DNA2: variants seen among roughly 807,000 people sequenced by gnomAD.
DNA2 encodes DNA replication ATP-dependent helicase/nuclease DNA2.
In DNA2, 101 loss-of-function variants were observed where a neutral mutation model predicts 119.1. The observed-to-expected ratio is 0.85, with a 90% CI of 0.72 to 1.00. DNA2 has a LOEUF of 1.00. DNA2 is among the 50% of genes least tolerant of loss of function. DNA2 has a pLI of 0.00. For synonymous variants in DNA2, 366 were observed against 424.4 expected (o/e 0.86, Z 1.69); for missense variants, 1,121 against 1,255.5 (o/e 0.89, Z 1.62).
In DNA2 at chr10:68,422,261, T is replaced by C; in HGVS notation, c.2661A>G (p.Glu887=). Residue 887 remains glutamate (E), a synonymous_variant, in exon 17 of 21, where the codon GAA becomes GAG. Coordinates refer to ENST00000358410, the MANE Select transcript of DNA2 (RefSeq NM_001080449.3). ...SDNPWLMGVF[E]PNNPVCFLNT... is the part of the protein sequence containing the mutation. Reference sequence around the variant, plus strand: ...TAAGGAAACAAACAGGATTGTTGGGTTCAAATACTCCCATCAACCAAGGAT... The same window carrying C: ...TAAGGAAACAAACAGGATTGTTGGGCTCAAATACTCCCATCAACCAAGGAT... The C allele has an allele frequency of 6.2e-7, 1 of 1,612,266 alleles. No homozygotes were observed. Among genetic ancestry groups the C allele is most frequent in the Non-Finnish European group, 8.5e-7 (1 of 1,179,258 alleles).
intron 2 of DNA2, among the ~76,000 whole-genome samples, chr10:68,469,558 G>A (rs1041771309): frequency 3.3e-5 from 5 of 152,078 alleles, no homozygotes; most frequent in Non-Finnish European, 5.9e-5. Flanking sequence ...CACCTCCCAG[G>A]TTCAAGCAAT....
chr10:68,416,794 TTA>T lies in DNA2; in HGVS notation c.3027_3028del (p.His1009GlnfsTer22). 1 of 1,613,930 alleles carries T rather than the reference TTA, an allele frequency of 6.2e-7. No homozygotes were observed. The highest frequency in any genetic ancestry group is 1.1e-5 in the South Asian group (1 of 91,070). ...GGGCACACACCCCAGAAGAATCAGTTTATGTTTGGCTCTGGTTATAGCAACAT... is the reference window on the plus strand; with the variant it reads ...GGGCACACACCCCAGAAGAATCAGTTTGTTTGGCTCTGGTTATAGCAACAT... On this transcript the variant is annotated frameshift_variant, in exon 20 of 21. Coordinates refer to ENST00000358410, the MANE Select transcript of DNA2 (RefSeq NM_001080449.3). LOFTEE classifies it high-confidence loss of function.
chr10:68,432,874 C>T (rs1447725681), intron 10 of DNA2, among the ~76,000 whole-genome samples: 1 of 152,152 alleles, frequency 6.6e-6, no homozygotes, highest in African/African-American at 2.4e-5. Flanking sequence ...CCACCTTCTC[C>T]CTGTCTTCTA....
At chr10:68,445,608 C>T (rs1054380571) in intron 7 of DNA2, among the ~76,000 whole-genome samples, 108 of 152,116 alleles carry the variant, frequency 7.1e-4, no homozygotes, top group African/African-American at 2.5e-3. Flanking sequence ...CATTTTGGTA[C>T]ATTTCCTTTA....
At chr10:68,420,828 T>C (rs751763028) in intron 17 of DNA2, among the ~76,000 whole-genome samples, 51 of 152,170 alleles carry the variant, frequency 3.4e-4, no homozygotes, top group Non-Finnish European at 2.4e-4. Context: ...TTCTTTTTAA[T>C]GACTGGTTTG....
intron 3 of DNA2, among the ~76,000 whole-genome samples, chr10:68,466,580 CTTT>C (rs71977657): frequency 8.7e-5 from 12 of 137,416 alleles, no homozygotes; most frequent in East Asian, 2.1e-4. Flanking sequence ...TAGCCTAGAC[CTTT>C]TTTTTTTTTT....
intron 14 of DNA2, among the ~76,000 whole-genome samples, chr10:68,426,626 G>A (rs1462574947): frequency 6.6e-6 from 1 of 150,394 alleles, no homozygotes; most frequent in Non-Finnish European, 1.5e-5. Flanking sequence ...ACAAGGTCAG[G>A]AGATGGAGAC....
intron 9 of DNA2, among the ~76,000 whole-genome samples, chr10:68,438,820 G>A (rs2051926499): frequency 6.6e-6 from 1 of 151,670 alleles, no homozygotes; most frequent in Non-Finnish European, 1.5e-5. Flanking sequence ...GATGACCTGA[G>A]GTCAGGAGTT....
Position 68,432,158 on chromosome 10 carries a change from T to C in DNA2, c.1873+48A>G, listed in dbSNP as rs1308320736. 4 of 1,355,328 alleles carry C rather than the reference T, an allele frequency of 3.0e-6. No homozygotes were observed. The East Asian group carries it at 6.9e-5, about 23-fold the overall frequency. The allele number at this position is 1,355,328 out of a possible 1,614,324, so 84.0% of individuals were successfully genotyped here. On this transcript the variant is annotated intron_variant, in intron 12 of 20. Coordinates refer to ENST00000358410, the MANE Select transcript of DNA2 (RefSeq NM_001080449.3). ...ATATTAGACTACAGTATAAATCAAATAGAAACAAGAAAAATTAATCAAAGC... is the reference window on the plus strand; with the variant it reads ...ATATTAGACTACAGTATAAATCAAACAGAAACAAGAAAAATTAATCAAAGC...
intron 20 of DNA2, among the ~76,000 whole-genome samples, chr10:68,415,967 A>C (rs1228127634): frequency 6.6e-6 from 1 of 152,124 alleles, no homozygotes; most frequent in African/African-American, 2.4e-5. Context: ...ATTTTTAAAA[A>C]ACGATTTATC....
At position 68,419,058 on chromosome 10, in the gene DNA2, A is replaced by G. The variant is rs538200699; in HGVS notation, c.2943T>C (p.Phe981=). The G allele has an allele frequency of 2.8e-4, 444 of 1,603,780 alleles. 9 individuals carry two copies. The South Asian group carries it at 4.6e-3, about 17-fold the overall frequency. The change falls in exon 19 of 21, where the codon TTT becomes TTC. Residue 981 remains phenylalanine, a synonymous_variant. Transcript: ENST00000358410. ...GRDKSIVLVS[F]VRSNKDGTVG... ...CAGTTCCATCCTTATTACTTCTAAC[A>G]AAAGATACTAGGACAATACTTTTGT...
At chr10:68,424,556 C>T (rs1444675359) in intron 14 of DNA2, 4 of 844,044 alleles carry the variant, frequency 4.7e-6, no homozygotes, top group Non-Finnish European at 8.2e-6. Flanking sequence ...GCCGGAGCAT[C>T]ACCATGAAGT....
rs1307693916 is a variant in DNA2, at chr10:68,419,186, T to C, written c.2815A>G (p.Ile939Val). The change falls in exon 19 of 21, where the codon ATT becomes GTT. Residue 939 changes from isoleucine to valine, a missense_variant. Transcript: ENST00000358410. ...KAGCSPSDIG[I>V]IAPYRQQLKI... ...AATTGCTGCCTGTACGGTGCAATAA[T>C]ACCAATATCAGAGGGACTGCATCCA... is the stretch of plus-strand genomic sequence containing the variant. The C allele has an allele frequency of 2.8e-5, 45 of 1,603,658 alleles. No individual in the cohort carries two copies. Among genetic ancestry groups the C allele is most frequent in the Non-Finnish European group, 3.7e-5 (44 of 1,176,498 alleles).
chr10:68,450,176 C>T lies in DNA2; in HGVS notation c.791G>A (p.Ser264Asn), dbSNP rs747233207. 32 of 1,606,294 alleles carry T rather than the reference C, an allele frequency of 2.0e-5. No homozygotes were observed. The highest frequency in any genetic ancestry group is 4.5e-5 in the East Asian group (2 of 44,794). Residue 264 changes from serine to asparagine, a missense_variant, in exon 6 of 21, where the codon AGC (serine) becomes AAC (asparagine). Ser to Asn is a conservative substitution (Grantham distance 46). Coordinates refer to ENST00000358410, the MANE Select transcript of DNA2 (RefSeq NM_001080449.3). Reference protein sequence around the residue: ...EVVKPMDIEESIWSPRFGLKG... With the variant: ...EVVKPMDIEENIWSPRFGLKG... The stretch of plus-strand genomic sequence containing the variant: ...CAATCCAAACCTAGGGGACCAAATG[C>T]TTTCTTCAATATCCATTGGTTTCAC...
At chr10:68,461,882 G>A (rs564207873) in intron 4 of DNA2, among the ~76,000 whole-genome samples, 32 of 148,666 alleles carry the variant, frequency 2.2e-4, no homozygotes, top group Admixed American at 1.1e-3. Flanking sequence ...TGAGGCTACA[G>A]TGGGTGATAA....
rs562333641 is a variant in DNA2, at chr10:68,454,356, CA to C, written c.720-4110del. ...GTAAAAACAATGGGTTAATTTTAAC[CA>C]AAAAAAAAAAAACACATTTGGGTTA... On this transcript the variant is annotated intron_variant, in intron 5 of 20. Transcript: ENST00000358410. 2.5e-3 allele frequency among the ~76,000 whole-genome samples: 291 copies of C among 116,316 alleles called. 1 individual carries two copies. Among genetic ancestry groups the C allele is most frequent in the East Asian group, 4.0e-3 (16 of 4,018 alleles). The allele number at this position is 116,316 out of a possible 152,430, so 76.3% of individuals were successfully genotyped here.
chr10:68,424,865 C>G, intron 14 of DNA2: 1 of 773,106 alleles, frequency 1.3e-6, no homozygotes, highest in Non-Finnish European at 2.4e-6. Context: ...CTCACCCAAA[C>G]AAGGTGGTTA....
At chr10:68,467,018 G>T (rs1003713078) in intron 3 of DNA2, among the ~76,000 whole-genome samples, 2 of 152,206 alleles carry the variant, frequency 1.3e-5, no homozygotes, top group African/African-American at 4.8e-5. Context: ...GACACAGTGA[G>T]ACTCAAAATA....
intron 5 of DNA2, among the ~76,000 whole-genome samples, chr10:68,456,872 C>T (rs1246550026): frequency 1.2e-4 from 18 of 151,218 alleles, no homozygotes; most frequent in African/African-American, 3.6e-4. Flanking sequence ...CGGTGGCTCA[C>T]GCCTGTAATC....
Sources: allele counts gnomAD v4.1 joint callset (sites outside exome capture counted in the v4.1 genomes callset), GRCh38; gene constraint gnomAD v4.1.1; transcripts MANE v1.5; gene names NCBI Gene and HGNC (gene_info 2026-07-23, HGNC 2026-07-21).